Variants in BRINP1 observed in about 807,000 individuals in gnomAD.
The protein encoded by BRINP1 is BMP/retinoic acid inducible neural specific 1, also known as BMP/retinoic acid-inducible neural-specific protein 1.
A neutral mutation model predicts 72.9 loss-of-function variants in BRINP1; 17 were observed. The observed-to-expected ratio is 0.23, with a 90% CI of 0.16 to 0.35. The LOEUF (loss-of-function observed/expected upper bound fraction) is 0.35, where lower values mean the gene tolerates loss of function less well. Among genes scored for constraint, BRINP1 ranks in the 10% least tolerant of loss-of-function variants. The pLI is 1.00. For synonymous variants in BRINP1, 418 were observed against 378.5 expected, an observed-to-expected ratio of 1.10 and a Z score of -1.21; for missense variants, 850 against 1,001.6, an observed-to-expected ratio of 0.85 and a Z score of 2.04.
intron 2 of BRINP1, among the ~76,000 whole-genome samples, chr9:119,307,421 A>C (rs1831009555): frequency 6.6e-6 from 1 of 152,182 alleles, no homozygotes; most frequent in African/African-American, 2.4e-5. Flanking sequence ...CCCTCTATTG[A>C]GGTTTGTATA....
intron 7 of BRINP1, among the ~76,000 whole-genome samples, chr9:119,187,178 A>G (rs1166760320): frequency 6.6e-6 from 1 of 151,894 alleles, no homozygotes; most frequent in Non-Finnish European, 1.5e-5. Flanking sequence ...CATGGGCCAC[A>G]GTATTCAACA....
rs560749261 is a variant in BRINP1, at chr9:119,166,811, C to T, written c.*273G>A. 10 of 375,170 alleles carry T rather than the reference C, an allele frequency of 2.7e-5. No homozygotes were observed. In the East Asian group the frequency reaches 5.3e-4, roughly 20 times the overall value. The allele number at this position is 375,170 out of a possible 1,614,324, so 23.2% of individuals were successfully genotyped here. A position where few individuals can be genotyped will look rare whatever the true frequency, so the allele number is the denominator to read the frequency against. ...CTTTCTCCCTTCTCCCCCAATACAG[C>T]ACCTGAGGCCTAAGAAGCAACTCCC... On this transcript the variant is annotated 3_prime_UTR_variant, in exon 8 of 8. Transcript: ENST00000265922.
chr9:119,282,598 G>A (rs1222379374), intron 2 of BRINP1, among the ~76,000 whole-genome samples: 6 of 152,114 alleles, frequency 3.9e-5, no homozygotes, highest in Non-Finnish European at 7.3e-5. Flanking sequence ...TTAAAGAAGA[G>A]TAGCAATGAA....
At chr9:119,296,938 TA>T (rs1231971833) in intron 2 of BRINP1, among the ~76,000 whole-genome samples, 1 of 152,204 alleles carries the variant, frequency 6.6e-6, no homozygotes, top group East Asian at 1.9e-4. Flanking sequence ...TCTGGAGAGC[TA>T]ATATACAGCA....
chr9:119,213,543 G>A (rs902468132), intron 6 of BRINP1: 7 of 378,778 alleles, frequency 1.8e-5, no homozygotes, highest in African/African-American at 1.2e-4. Flanking sequence ...GAAGTGTGTG[G>A]GTGCACACAC....
At chr9:119,270,624 T>C (rs1186604670) in intron 2 of BRINP1, among the ~76,000 whole-genome samples, 1 of 152,158 alleles carries the variant, frequency 6.6e-6, no homozygotes, top group East Asian at 1.9e-4. Context: ...TTCCATTAGC[T>C]GAGATAGGGA....
chr9:119,277,199 T>C (rs1340262562), intron 2 of BRINP1, among the ~76,000 whole-genome samples: 1 of 152,214 alleles, frequency 6.6e-6, no homozygotes, highest in African/African-American at 2.4e-5. Flanking sequence ...TTTTACCCAT[T>C]CACCTGTTGA....
intron 3 of BRINP1, among the ~76,000 whole-genome samples, chr9:119,244,752 G>A (rs1342479472): frequency 6.6e-6 from 1 of 152,178 alleles, no homozygotes; most frequent in Non-Finnish European, 1.5e-5. Flanking sequence ...TGTTTATTAA[G>A]AGAATGTTCT....
chr9:119,176,526 T>G (rs1038354574), intron 7 of BRINP1, among the ~76,000 whole-genome samples: 17 of 152,324 alleles, frequency 1.1e-4, no homozygotes, highest in African/African-American at 3.6e-4. Context: ...AGTTCAAAGC[T>G]GCATTCTATA....
chr9:119,322,167 T>C (rs1831196061), intron 1 of BRINP1, among the ~76,000 whole-genome samples: 1 of 152,220 alleles, frequency 6.6e-6, no homozygotes, highest in Non-Finnish European at 1.5e-5. Context: ...ATTTCAGAAC[T>C]GTTGTTCTTC....
intron 2 of BRINP1, among the ~76,000 whole-genome samples, chr9:119,291,091 C>A (rs1383388290): frequency 6.7e-6 from 1 of 149,958 alleles, no homozygotes; most frequent in Non-Finnish European, 1.5e-5. Flanking sequence ...CCACTGCACT[C>A]CAGCCAGGGC....
intron 1 of BRINP1, among the ~76,000 whole-genome samples, chr9:119,350,432 G>C (rs937677708): frequency 6.6e-6 from 1 of 152,002 alleles, no homozygotes; most frequent in Non-Finnish European, 1.5e-5. Context: ...CTAAGTTGCC[G>C]CTCTCTATCT....
At chr9:119,248,092 C>T (rs1414975712) in intron 3 of BRINP1, among the ~76,000 whole-genome samples, 1 of 152,164 alleles carries the variant, frequency 6.6e-6, no homozygotes, top group Non-Finnish European at 1.5e-5. Flanking sequence ...TGGTAGTGCT[C>T]AACATGTCTC....
At chr9:119,261,845 T>A (rs2118935775) in intron 2 of BRINP1, among the ~76,000 whole-genome samples, 1 of 151,244 alleles carries the variant, frequency 6.6e-6, no homozygotes, top group African/African-American at 2.4e-5. Flanking sequence ...TTCTTTCTCC[T>A]CTCTTCTCTT....
chr9:119,206,649 G>A (rs1328803041), intron 7 of BRINP1, among the ~76,000 whole-genome samples: 1 of 152,100 alleles, frequency 6.6e-6, no homozygotes, highest in Non-Finnish European at 1.5e-5. Flanking sequence ...ATGGTACTTA[G>A]TTATGGCAAC....
intron 7 of BRINP1, among the ~76,000 whole-genome samples, chr9:119,168,453 T>C (rs1206056869): frequency 6.6e-6 from 1 of 152,104 alleles, no homozygotes; most frequent in East Asian, 1.9e-4. Context: ...TAATGTTCAA[T>C]GTCCTCATCT....
chr9:119,277,102 T>C (rs758854978), intron 2 of BRINP1, among the ~76,000 whole-genome samples: 2 of 152,196 alleles, frequency 1.3e-5, no homozygotes, highest in Non-Finnish European at 2.9e-5. Flanking sequence ...TCACCTACCA[T>C]AATGCCTTTG....
intron 2 of BRINP1, among the ~76,000 whole-genome samples, chr9:119,296,253 A>G (rs1259633285): frequency 6.6e-6 from 1 of 152,230 alleles, no homozygotes; most frequent in African/African-American, 2.4e-5. Context: ...ATTTTTCTCA[A>G]GAAGACATAC....
chr9:119,246,749 A>AAC (rs1198455618), intron 3 of BRINP1, among the ~76,000 whole-genome samples: 1 of 152,184 alleles, frequency 6.6e-6, no homozygotes, highest in Admixed American at 6.5e-5. Flanking sequence ...GCTCTTAAAA[A>AAC]ACATGTTTTC....
Sources: gnomAD v4.1 joint callset for allele counts (sites outside exome capture counted in the v4.1 genomes callset) on GRCh38, gnomAD v4.1.1 for gene constraint, MANE v1.5 for transcripts, NCBI Gene and HGNC (gene_info 2026-07-23, HGNC 2026-07-21) for gene names.